NKD1: variants seen among roughly 807,000 people sequenced by gnomAD.
The protein encoded by NKD1 is protein naked cuticle homolog 1.
NKD1 carries 21 observed loss-of-function variants against 56.0 expected under a neutral mutation model. That is an observed-to-expected ratio of 0.38 (90% CI 0.27 to 0.54). The LOEUF (loss-of-function observed/expected upper bound fraction) is 0.54. NKD1 is among the 20% of genes least tolerant of loss of function. The pLI, the probability that NKD1 is intolerant of heterozygous loss-of-function variation, is 0.82. For missense variants in NKD1, 578 were observed against 642.7 expected, an observed-to-expected ratio of 0.90 and a Z score of 1.09; for synonymous variants, 263 against 265.7, an observed-to-expected ratio of 0.99 and a Z score of 0.10.
intron 3 of NKD1, chr16:50,575,505 G>A (rs1275495558): frequency 6.7e-6 from 2 of 298,884 alleles, no homozygotes; most frequent in East Asian, 1.7e-4. Context: ...AAATAACGTG[G>A]GCCTCCCTTT....
At chr16:50,561,470 G>A (rs753554325) in intron 3 of NKD1, among the ~76,000 whole-genome samples, 2 of 151,988 alleles carry the variant, frequency 1.3e-5, no homozygotes, top group East Asian at 3.9e-4. Context: ...TTTGGACCAA[G>A]CCTGGGAGGG....
chr16:50,548,520 G>C lies in NKD1; in HGVS notation c.-34G>C. 1 of 1,459,298 alleles carries C rather than the reference G, an allele frequency of 6.9e-7. No homozygotes were observed. Among genetic ancestry groups the C allele is most frequent in the South Asian group, 1.3e-5 (1 of 77,130 alleles). The allele number at this position is 1,459,298 out of a possible 1,614,324, so 90.4% of individuals were successfully genotyped here. The stretch of plus-strand genomic sequence containing the variant: ...GCCAGGCCCGCGGGCCGGGCGCATG[G>C]CTTAGGGACGCTCCCGGCCGCCGCA... On this transcript the variant is annotated 5_prime_UTR_variant, in exon 1 of 10. Coordinates refer to ENST00000268459, the MANE Select transcript of NKD1 (RefSeq NM_033119.5).
chr16:50,625,731 C>T (rs893778175), intron 6 of NKD1, 151 bp downstream of exon 6: 25 of 628,590 alleles, frequency 4.0e-5, no homozygotes, highest in Middle Eastern at 4.2e-4. Flanking sequence ...GGAGCTCCTG[C>T]GAGATCTGGA....
At position 50,633,093 on chromosome 16, in the gene NKD1, TG is replaced by T. The variant is rs1279203039; in HGVS notation, c.824-97del. On this transcript the variant is annotated intron_variant, in intron 9 of 9. Coordinates refer to ENST00000268459, the MANE Select transcript of NKD1 (RefSeq NM_033119.5). This position sits in a 1 kb window ranked among gnomAD's most constrained non-coding sequence, Gnocchi z 4.9. ...CAGTCAGGGCATTGGGGGGTAGCTC[TG>T]GTTTTGGAGAACTGGGGGCGGGGGT... is the stretch of plus-strand genomic sequence containing the variant. 13 of 1,138,118 alleles carry T rather than the reference TG, an allele frequency of 1.1e-5. No homozygotes were observed. The highest frequency in any genetic ancestry group is 1.6e-5 in the Non-Finnish European group (13 of 825,156). The allele number at this position is 1,138,118 out of a possible 1,614,324, so 70.5% of individuals were successfully genotyped here. A position where few individuals can be genotyped will look rare whatever the true frequency, so the allele number is the denominator to read the frequency against.
intron 3 of NKD1, among the ~76,000 whole-genome samples, chr16:50,562,986 A>ACCCCCCCCCC (rs1307651263): frequency 5.0e-5 from 3 of 60,436 alleles, no homozygotes; most frequent in African/African-American, 1.9e-4. Flanking sequence ...TCCCACCACC[A>ACCCCCCCCCC]CCCCCCCCCC....
chr16:50,628,827 G>C (rs1029784794), intron 6 of NKD1, among the ~76,000 whole-genome samples: 7 of 152,182 alleles, frequency 4.6e-5, no homozygotes, highest in Non-Finnish European at 8.8e-5. Context: ...CACGGTTCTG[G>C]AGGCTGGAAG....
At chr16:50,553,108 TGA>T (rs1733213455) in intron 3 of NKD1, among the ~76,000 whole-genome samples, 1 of 152,178 alleles carries the variant, frequency 6.6e-6, no homozygotes, top group Admixed American at 6.5e-5. Flanking sequence ...GCTGGAAACA[TGA>T]AGCAGCAACA....
At chr16:50,570,853 A>G in intron 3 of NKD1, 3 of 985,434 alleles carry the variant, frequency 3.0e-6, no homozygotes, top group Non-Finnish European at 2.4e-6. Context: ...ACATCTGTAC[A>G]GCACCTTGTG....
chr16:50,608,376 T>C lies in NKD1; in HGVS notation c.259+16T>C, dbSNP rs552054935. On this transcript the variant is annotated intron_variant, in intron 4 of 9. Transcript: ENST00000268459. ...CGGCTGGAAGGTATTCGGAGTCCAT[T>C]GCTCTCTTCCCAGCAGCAGCGAGTG... 6 of 1,594,492 alleles carry C rather than the reference T, an allele frequency of 3.8e-6. No homozygotes were observed. The African/African-American group carries it at 5.4e-5, about 14-fold the overall frequency.
At chr16:50,609,698 T>C (rs1961799919) in intron 4 of NKD1, among the ~76,000 whole-genome samples, 1 of 152,190 alleles carries the variant, frequency 6.6e-6, no homozygotes, top group Non-Finnish European at 1.5e-5. Context: ...GTGGCTTGCA[T>C]GAACACTGCA....
At chr16:50,548,919 T>A in intron 2 of NKD1, 170 bp downstream of exon 2, 2 of 896,398 alleles carry the variant, frequency 2.2e-6, no homozygotes, top group Non-Finnish European at 2.7e-6. Context: ...CCCTCCTCTG[T>A]CCCTCCTACC....
intron 4 of NKD1, among the ~76,000 whole-genome samples, chr16:50,612,685 G>A (rs1218185149): frequency 1.3e-5 from 2 of 152,186 alleles, no homozygotes; most frequent in African/African-American, 4.8e-5. Context: ...AAGAATGTAG[G>A]GGGAGAGCAG....
intron 4 of NKD1, chr16:50,616,250 C>A: frequency 2.9e-6 from 1 of 341,164 alleles, no homozygotes; most frequent in Non-Finnish European, 6.1e-6. Context: ...GGTAACTAGG[C>A]TAAGAGAGGG....
At chr16:50,583,123 A>T (rs1312545674) in intron 3 of NKD1, among the ~76,000 whole-genome samples, 1 of 152,144 alleles carries the variant, frequency 6.6e-6, no homozygotes, top group Non-Finnish European at 1.5e-5. Flanking sequence ...AGTGGCTGCA[A>T]CTTGTTGCCC....
intron 3 of NKD1, chr16:50,608,063 G>GC: frequency 1.9e-6 from 1 of 536,528 alleles, no homozygotes; most frequent in South Asian, 2.2e-5. Context: ...AAGACCCAGT[G>GC]GAGCCATAGC....
At chr16:50,605,991 A>G (rs1235632573) in intron 3 of NKD1, 1 of 152,080 alleles carries the variant, frequency 6.6e-6, no homozygotes, top group Non-Finnish European at 1.5e-5. Flanking sequence ...CTAGAGACTC[A>G]AAGCTCTAGG....
intron 3 of NKD1, chr16:50,606,783 G>A (rs748775851): frequency 1.0e-4 from 46 of 456,546 alleles, no homozygotes; most frequent in African/African-American, 8.8e-4. Context: ...AGATTCTCTT[G>A]AAGACTGTTG....
chr16:50,610,372 T>C (rs1471790914), intron 4 of NKD1, among the ~76,000 whole-genome samples: 1 of 152,200 alleles, frequency 6.6e-6, no homozygotes, highest in African/African-American at 2.4e-5. Flanking sequence ...CTGGGCCCAG[T>C]GACCATCTGT....
At position 50,643,979 on chromosome 16, in the gene NKD1, C is replaced by T. The variant is rs1414436447; in HGVS notation, c.*10198C>T. On this transcript the variant is annotated 3_prime_UTR_variant, in exon 10 of 10. Transcript: ENST00000268459. The stretch of plus-strand genomic sequence containing the variant: ...CACCAACACAAAGCACAAACATGCA[C>T]AAAGCATGATGCTAAACAGACTGTG... 6.6e-6 allele frequency: 1 copy of T among 152,206 alleles called. No individual in the cohort carries two copies. Among genetic ancestry groups the T allele is most frequent in the East Asian group, 1.9e-4 (1 of 5,196 alleles). 9.4% of individuals were successfully genotyped at this position (152,206 alleles called of 1,614,324 possible). A position where few individuals can be genotyped will look rare whatever the true frequency, so the allele number is the denominator to read the frequency against.
Sources: gnomAD v4.1 joint callset for allele counts (sites outside exome capture counted in the v4.1 genomes callset) on GRCh38, gnomAD v4.1.1 for gene constraint, Gnocchi (gnomAD v3.1) non-coding constraint, MANE v1.5 for transcripts, NCBI Gene and HGNC (gene_info 2026-07-23, HGNC 2026-07-21) for gene names.